The following NEO1 variants were observed in gnomAD, a reference collection of about 807,000 sequenced individuals.
NEO1 encodes neogenin 1, also known as neogenin.
Under a neutral mutation model 159.7 loss-of-function variants are expected in NEO1, and 63 were observed. The ratio of observed to expected loss-of-function variants is 0.39; its 90% CI spans 0.32 to 0.49. The LOEUF is 0.49. Among genes scored for constraint, NEO1 ranks in the 20% least tolerant of loss-of-function variants. The pLI is 0.85. For missense variants in NEO1, 1,615 were observed against 1,831.0 expected, an observed-to-expected ratio of 0.88 and a Z score of 2.15; for synonymous variants, 633 against 662.0, an observed-to-expected ratio of 0.96 and a Z score of 0.67.
intron 16 of NEO1, among the ~76,000 whole-genome samples, chr15:73,268,405 AT>A (rs917246879): frequency 2.6e-5 from 4 of 152,360 alleles, no homozygotes; most frequent in African/African-American, 9.6e-5. Flanking sequence ...GTTGCTACAT[AT>A]AAGAAAAAAA....
intron 26 of NEO1, among the ~76,000 whole-genome samples, chr15:73,297,857 CCT>C (rs1160921996): frequency 6.6e-6 from 1 of 152,118 alleles, no homozygotes; most frequent in Non-Finnish European, 1.5e-5. Flanking sequence ...ATGCACAGTC[CCT>C]GGAGGCACGA....
Position 73,278,138 on chromosome 15 carries a change from G to C in NEO1, c.3201G>C (p.Gly1067=). Residue 1067 remains glycine, a synonymous_variant, in exon 22 of 29, where the codon GGG becomes GGC. Coordinates refer to ENST00000261908, the MANE Select transcript of NEO1 (RefSeq NM_002499.4). ...SDKMPNDQAS[G]SGGKGSRLPD... ...TGATTTCTTCTCCTTTAGCCTCAGG[G>C]TCTGGAGGGAAAGGAAGCCGGCTGC... is the stretch of plus-strand genomic sequence containing the variant. 6.2e-7 allele frequency: 1 copy of C among 1,612,700 alleles called. No individual in the cohort carries two copies. Among genetic ancestry groups the C allele is most frequent in the Non-Finnish European group, 8.5e-7 (1 of 1,178,922 alleles).
chr15:73,210,132 G>A (rs1322628948), intron 7 of NEO1, among the ~76,000 whole-genome samples: 2 of 152,198 alleles, frequency 1.3e-5, no homozygotes, highest in African/African-American at 4.8e-5. Flanking sequence ...GCAAATCAGA[G>A]TTAAAGTATA....
chr15:73,300,434 T>G (rs2042566666), intron 27 of NEO1, among the ~76,000 whole-genome samples: 1 of 152,100 alleles, frequency 6.6e-6, no homozygotes, highest in Admixed American at 6.6e-5. Context: ...GTACCTTTAT[T>G]TAAGACAGCT....
chr15:73,297,097 G>T (rs1314074198), intron 26 of NEO1, among the ~76,000 whole-genome samples: 1 of 152,192 alleles, frequency 6.6e-6, no homozygotes, highest in East Asian at 1.9e-4. Context: ...GGGGAAGCTG[G>T]TCACCAGCTC....
At chr15:73,291,075 GA>G (rs1443769342) in intron 25 of NEO1, among the ~76,000 whole-genome samples, 1 of 152,180 alleles carries the variant, frequency 6.6e-6, no homozygotes, top group Non-Finnish European at 1.5e-5. Context: ...CCTGGACTTG[GA>G]AATGCAGGGG....
rs775556562 is a variant in NEO1, at chr15:73,116,675, A to G, written c.266A>G (p.Asp89Gly). Residue 89 changes from aspartate (D) to glycine (G), a missense_variant, in exon 2 of 29, where the codon GAT becomes GGT. Physicochemically the swap from Asp to Gly is moderately conservative, Grantham distance 94. Around this residue, in one of 3 missense-constraint regions of NEO1, gnomAD observed 1,018 missense variants for 1,115.4 expected, o/e 0.91. Transcript: ENST00000261908. ...TCTCCAAAAATTGAATGGAAAAAAG[A>G]TGGAACTTTTTTAAACTTAGTATCA... ...EPSPKIEWKK[D>G]GTFLNLVSDD... The G allele has an allele frequency of 1.9e-6, 3 of 1,614,010 alleles. No individual in the cohort carries two copies. The highest frequency in any genetic ancestry group is 2.5e-6 in the Non-Finnish European group (3 of 1,179,942).
chr15:73,083,389 C>T (rs2069177273), intron 1 of NEO1, among the ~76,000 whole-genome samples: 1 of 151,212 alleles, frequency 6.6e-6, no homozygotes, highest in African/African-American at 2.4e-5. Context: ...AAGGATGGGC[C>T]CAAATTTCTG....
chr15:73,097,721 T>C (rs999191464), intron 1 of NEO1, among the ~76,000 whole-genome samples: 5 of 151,372 alleles, frequency 3.3e-5, no homozygotes, highest in Admixed American at 3.3e-4. Context: ...TATTTTCTAT[T>C]ATGATGAGAT....
chr15:73,075,951 C>A (rs1383820298), intron 1 of NEO1, among the ~76,000 whole-genome samples: 2 of 152,062 alleles, frequency 1.3e-5, no homozygotes, highest in Non-Finnish European at 2.9e-5. Flanking sequence ...CTATTTTTGT[C>A]TGTTTTGAAT....
intron 1 of NEO1, among the ~76,000 whole-genome samples, chr15:73,110,601 C>A (rs2070926049): frequency 6.6e-6 from 1 of 152,088 alleles, no homozygotes; most frequent in African/African-American, 2.4e-5. Flanking sequence ...AGATGGAATT[C>A]TATCAAGAAG....
At chr15:73,254,612 T>C (rs1451567608) in intron 12 of NEO1, 70 bp from the exon 13 acceptor site, 7 of 1,442,134 alleles carry the variant, frequency 4.9e-6, no homozygotes, top group Non-Finnish European at 6.4e-6. Context: ...AAAATCAGGA[T>C]AAAAATATTT....
chr15:73,242,833 G>A (rs1303636220), intron 8 of NEO1, among the ~76,000 whole-genome samples: 1 of 152,226 alleles, frequency 6.6e-6, no homozygotes, highest in African/African-American at 2.4e-5. Flanking sequence ...GGCAGAAGAG[G>A]TGGAGGAAAT....
intron 23 of NEO1, among the ~76,000 whole-genome samples, chr15:73,287,293 C>T (rs2041984039): frequency 6.6e-6 from 1 of 152,334 alleles, no homozygotes; most frequent in African/African-American, 2.4e-5. Flanking sequence ...TCACTTCCTC[C>T]TCTAGGTTTT....
chr15:73,094,513 A>G (rs2151466015), intron 1 of NEO1, among the ~76,000 whole-genome samples: 1 of 152,352 alleles, frequency 6.6e-6, no homozygotes, highest in South Asian at 2.1e-4. Context: ...GCTATTATGA[A>G]TAATGCTGCA....
intron 5 of NEO1, among the ~76,000 whole-genome samples, chr15:73,142,875 G>A (rs1267156788): frequency 6.6e-6 from 1 of 152,124 alleles, no homozygotes; most frequent in Non-Finnish European, 1.5e-5. Flanking sequence ...ACTAAATCCT[G>A]TTCTAAAGTT....
chr15:73,262,026 A>G (rs1289008684), intron 15 of NEO1, among the ~76,000 whole-genome samples: 1 of 152,174 alleles, frequency 6.6e-6, no homozygotes, highest in Non-Finnish European at 1.5e-5. Context: ...TGGGGAGAAG[A>G]CAGTCTTTTT....
At chr15:73,168,470 A>G (rs1259482563) in intron 5 of NEO1, among the ~76,000 whole-genome samples, 1 of 151,012 alleles carries the variant, frequency 6.6e-6, no homozygotes, top group African/African-American at 2.4e-5. Context: ...AAGTGCTAGG[A>G]TTACAGGTGT....
intron 16 of NEO1, among the ~76,000 whole-genome samples, chr15:73,267,233 A>G (rs1232688755): frequency 2.6e-5 from 4 of 152,238 alleles, no homozygotes; most frequent in Non-Finnish European, 5.9e-5. Flanking sequence ...ACTCCAGGCT[A>G]GGCGACAGAG....
Sources: gnomAD v4.1 joint callset for allele counts (sites outside exome capture counted in the v4.1 genomes callset) on GRCh38, gnomAD v4.1.1 for gene constraint, gnomAD v4.1.1 regional missense constraint, MANE v1.5 for transcripts, NCBI Gene and HGNC (gene_info 2026-07-23, HGNC 2026-07-21) for gene names.